The following CACNG2 variants were observed in gnomAD, a reference collection of about 807,000 sequenced individuals.
CACNG2 encodes the protein voltage-dependent calcium channel gamma-2 subunit.
CACNG2 carries 3 observed loss-of-function variants against 25.9 expected under a neutral mutation model. The observed-to-expected ratio is 0.12, with a 90% CI of 0.05 to 0.30. CACNG2 has a LOEUF of 0.30. Ranked by LOEUF, CACNG2 falls within the 10% of genes least tolerant of loss-of-function variation. The pLI, the probability that CACNG2 is intolerant of heterozygous loss-of-function variation, is 1.00. For synonymous variants in CACNG2, 167 were observed against 173.3 expected, an observed-to-expected ratio of 0.96 and a Z score of 0.29; for missense variants, 341 against 432.5, an observed-to-expected ratio of 0.79 and a Z score of 1.88.
At chr22:36,578,771 G>A (rs898031614) in intron 2 of CACNG2, among the ~76,000 whole-genome samples, 8 of 152,176 alleles carry the variant, frequency 5.3e-5, no homozygotes, top group African/African-American at 1.9e-4. Flanking sequence ...CTGCCCTAGG[G>A]CGGGCGGTAC....
intron 1 of CACNG2, among the ~76,000 whole-genome samples, chr22:36,665,073 G>A (rs1193644337): frequency 6.6e-6 from 1 of 152,172 alleles, no homozygotes; most frequent in Non-Finnish European, 1.5e-5. Context: ...ACAGGAAAGA[G>A]GGCTGGTGAA....
At chr22:36,624,379 A>G (rs1242693791) in intron 1 of CACNG2, among the ~76,000 whole-genome samples, 1 of 152,070 alleles carries the variant, frequency 6.6e-6, no homozygotes, top group Non-Finnish European at 1.5e-5. Context: ...TAGCAAACCT[A>G]TGAGGTAGGG....
intron 2 of CACNG2, among the ~76,000 whole-genome samples, chr22:36,568,215 C>T (rs1020600130): frequency 6.6e-6 from 1 of 151,932 alleles, no homozygotes; most frequent in Non-Finnish European, 1.5e-5. Flanking sequence ...ATTACAGGAC[C>T]CTTTGGCCAA....
intron 2 of CACNG2, among the ~76,000 whole-genome samples, chr22:36,574,086 G>A (rs1276964572): frequency 6.6e-6 from 1 of 152,126 alleles, no homozygotes; most frequent in African/African-American, 2.4e-5. Context: ...TGGGCCACGT[G>A]GGGCCTCATG....
chr22:36,610,581 G>T (rs1461194522), intron 1 of CACNG2, among the ~76,000 whole-genome samples: 1 of 152,198 alleles, frequency 6.6e-6, no homozygotes, highest in African/African-American at 2.4e-5. Flanking sequence ...CAGAATCTTT[G>T]CTCTGAAATC....
chr22:36,697,810 G>T (rs1385354356), intron 1 of CACNG2, among the ~76,000 whole-genome samples: 1 of 152,192 alleles, frequency 6.6e-6, no homozygotes, highest in Non-Finnish European at 1.5e-5. Flanking sequence ...CCATTCTAAG[G>T]CCTGCTCTCT....
chr22:36,610,766 G>A (rs557157190), intron 1 of CACNG2, among the ~76,000 whole-genome samples: 5 of 152,306 alleles, frequency 3.3e-5, no homozygotes, highest in African/African-American at 4.8e-5. Flanking sequence ...ACAGCTCAGC[G>A]AAGACCAAGG....
chr22:36,702,104 C>T (rs1441344078), intron 1 of CACNG2, among the ~76,000 whole-genome samples: 1 of 151,954 alleles, frequency 6.6e-6, no homozygotes, highest in Non-Finnish European at 1.5e-5. Context: ...AATCTCTTGT[C>T]GTTTTCACCA....
In CACNG2 at chr22:36,562,480, T is replaced by C. The variant is rs1935045131; in HGVS notation, c.*1871A>G. On this transcript the variant is annotated 3_prime_UTR_variant, in exon 4 of 4. Coordinates refer to ENST00000300105, the MANE Select transcript of CACNG2 (RefSeq NM_006078.5). ...CATGCATGCGAGTGGTGTGTGTGTGTGTGTGGGTATGTGTGCGTGTGTGGG... is the reference window on the plus strand; with the variant it reads ...CATGCATGCGAGTGGTGTGTGTGTGCGTGTGGGTATGTGTGCGTGTGTGGG... 1 of 152,004 alleles carries C rather than the reference T, an allele frequency of 6.6e-6. No homozygotes were observed. The allele number at this position is 152,004 out of a possible 1,614,324, so 9.4% of individuals were successfully genotyped here. A position where few individuals can be genotyped will look rare whatever the true frequency, so the allele number is the denominator to read the frequency against.
At chr22:36,702,267 G>C in intron 1 of CACNG2, 99 bp downstream of exon 1, 1 of 758,852 alleles carries the variant, frequency 1.3e-6, no homozygotes. Flanking sequence ...TAAGAAAATG[G>C]TGGAATGTAA....
At chr22:36,614,651 A>G in intron 1 of CACNG2, among the ~76,000 whole-genome samples, 1 of 152,168 alleles carries the variant, frequency 6.6e-6, no homozygotes, top group East Asian at 1.9e-4. Context: ...GCACATCCAC[A>G]GAGAGCAGGC....
intron 1 of CACNG2, among the ~76,000 whole-genome samples, chr22:36,589,111 C>T (rs1234772325): frequency 6.6e-6 from 1 of 151,758 alleles, no homozygotes; most frequent in Non-Finnish European, 1.5e-5. Flanking sequence ...CTGCGTCAGC[C>T]TCCTGAGTAG....
intron 1 of CACNG2, among the ~76,000 whole-genome samples, chr22:36,664,016 T>G (rs995679240): frequency 5.3e-5 from 8 of 152,136 alleles, no homozygotes; most frequent in South Asian, 2.1e-4. Context: ...TTTTTATACC[T>G]TGCTGCTCCC....
At position 36,632,469 on chromosome 22, in the gene CACNG2, CCTCTCTCT is replaced by C. The variant is rs131827; in HGVS notation, c.212-44929_212-44922del. 4.9e-4 allele frequency among the ~76,000 whole-genome samples: 72 copies of C among 145,732 alleles called. 1 individual carries two copies. The highest frequency in any genetic ancestry group is 1.2e-3 in the African/African-American group (49 of 39,602). ...AATACTAGGAGATTCTCTCTCCTCT[CCTCTCTCT>C]CTCTCTCTCTCTCTCTCTCAATCCC... On this transcript the variant is annotated intron_variant, in intron 1 of 3. Coordinates refer to ENST00000300105, the MANE Select transcript of CACNG2 (RefSeq NM_006078.5).
At chr22:36,661,652 T>C (rs1308187136) in intron 1 of CACNG2, among the ~76,000 whole-genome samples, 5 of 152,110 alleles carry the variant, frequency 3.3e-5, no homozygotes, top group Non-Finnish European at 2.9e-5. Context: ...ATTGGCTCCA[T>C]TGCATGTCAA....
At chr22:36,678,163 T>C (rs1937042125) in intron 1 of CACNG2, among the ~76,000 whole-genome samples, 1 of 152,186 alleles carries the variant, frequency 6.6e-6, no homozygotes, top group African/African-American at 2.4e-5. Context: ...TGAGGCCACG[T>C]AAAATGATGG....
chr22:36,604,808 C>T (rs1603501424), intron 1 of CACNG2, among the ~76,000 whole-genome samples: 1 of 152,184 alleles, frequency 6.6e-6, no homozygotes, highest in African/African-American at 2.4e-5. Flanking sequence ...GACAGAATCT[C>T]ACTCGGTCAC....
rs1569049828 is a variant in CACNG2 at position 36,679,187 on chromosome 22, TTCCTTCCTTC to T, written c.211+23169_211+23178del. Among the ~76,000 whole-genome samples the T allele has an allele frequency of 7.8e-3, 749 of 95,736 alleles. 5 individuals carry two copies. The highest frequency in any genetic ancestry group is 0.023 in the Middle Eastern group (4 of 172). 62.8% of individuals were successfully genotyped at this position (95,736 alleles called of 152,430 possible). A position where few individuals can be genotyped will look rare whatever the true frequency, so the allele number is the denominator to read the frequency against. ...CTTCCTTCCTTCCTTCCTTCCTTCC[TTCCTTCCTTC>T]CTTTCTTTCTTTCTTTCTTTCTTTC... On this transcript the variant is annotated intron_variant, in intron 1 of 3. Coordinates refer to ENST00000300105, the MANE Select transcript of CACNG2 (RefSeq NM_006078.5).
chr22:36,697,294 C>G (rs917004871), intron 1 of CACNG2, among the ~76,000 whole-genome samples: 2 of 152,156 alleles, frequency 1.3e-5, no homozygotes, highest in African/African-American at 4.8e-5. Flanking sequence ...TGGGTTGGAA[C>G]TCAGGCTTCT....
Sources: gnomAD v4.1 joint callset for allele counts (sites outside exome capture counted in the v4.1 genomes callset) on GRCh38, gnomAD v4.1.1 for gene constraint, MANE v1.5 for transcripts, NCBI Gene and HGNC (gene_info 2026-07-23, HGNC 2026-07-21) for gene names.